Variants in SYNPR observed in about 807,000 individuals in gnomAD.
The protein encoded by SYNPR is synaptoporin.
Under a neutral mutation model 32.9 loss-of-function variants are expected in SYNPR, and 23 were observed. The ratio of observed to expected loss-of-function variants is 0.70; its 90% CI spans 0.50 to 0.99. The LOEUF (loss-of-function observed/expected upper bound fraction) is 0.99. Ranked by LOEUF, SYNPR falls within the 50% of genes least tolerant of loss-of-function variation. The pLI is 0.00. For missense variants in SYNPR, 318 were observed against 349.3 expected (o/e 0.91, Z 0.71); for synonymous variants, 146 against 135.9 (o/e 1.07, Z -0.52).
chr3:63,442,940 C>G, intron 2 of SYNPR: 1 of 708,596 alleles, frequency 1.4e-6, no homozygotes, highest in African/African-American at 1.9e-5. Context: ...ACCATTTTTC[C>G]CCATACCCTT....
intron 2 of SYNPR, among the ~76,000 whole-genome samples, chr3:63,352,590 C>G (rs1427595933): frequency 6.6e-6 from 1 of 152,072 alleles, no homozygotes; most frequent in African/African-American, 2.4e-5. Flanking sequence ...GAACAAGACC[C>G]AAATATACTT....
intron 2 of SYNPR, among the ~76,000 whole-genome samples, chr3:63,459,699 C>G (rs777067033): frequency 7.9e-5 from 12 of 152,044 alleles, no homozygotes; most frequent in Middle Eastern, 3.2e-3. Flanking sequence ...TTTTAAGAAG[C>G]AGAAAAGCTA....
chr3:63,343,582 G>T (rs986607094), intron 2 of SYNPR, among the ~76,000 whole-genome samples: 1 of 152,106 alleles, frequency 6.6e-6, no homozygotes, highest in Non-Finnish European at 1.5e-5. Flanking sequence ...AGCTTCCAAC[G>T]CAGCTACCTC....
intron 3 of SYNPR, among the ~76,000 whole-genome samples, chr3:63,551,267 A>C (rs1288812758): frequency 3.3e-5 from 5 of 152,202 alleles, no homozygotes; most frequent in Non-Finnish European, 5.9e-5. Context: ...TTTTTGACAA[A>C]TAATATTCTT....
At chr3:63,433,185 C>A (rs985502815) in intron 2 of SYNPR, among the ~76,000 whole-genome samples, 2 of 152,148 alleles carry the variant, frequency 1.3e-5, no homozygotes, top group African/African-American at 2.4e-5. Flanking sequence ...GAACAAGTGG[C>A]GCTACAGCCC....
intron 2 of SYNPR, among the ~76,000 whole-genome samples, chr3:63,362,752 G>A (rs2087677443): frequency 6.6e-6 from 1 of 152,138 alleles, no homozygotes. Flanking sequence ...GGCCTTTCAT[G>A]CTGACACTGA....
At chr3:63,291,998 G>A (rs2106931260) in intron 2 of SYNPR, among the ~76,000 whole-genome samples, 1 of 152,244 alleles carries the variant, frequency 6.6e-6, no homozygotes, top group East Asian at 1.9e-4. Flanking sequence ...TAGGCTACAT[G>A]TACAGCCTAT....
intron 4 of SYNPR, among the ~76,000 whole-genome samples, chr3:63,565,482 G>T (rs943737250): frequency 3.9e-5 from 6 of 152,192 alleles, no homozygotes; most frequent in African/African-American, 1.4e-4. Flanking sequence ...GAAGGCAGAA[G>T]AGAAACGGAG....
chr3:63,418,023 A>T (rs1052375059), intron 2 of SYNPR, among the ~76,000 whole-genome samples: 1 of 152,160 alleles, frequency 6.6e-6, no homozygotes, highest in African/African-American at 2.4e-5. Context: ...CTACTCAGAA[A>T]ATGGGATTTT....
chr3:63,299,404 G>A (rs183097209), intron 2 of SYNPR, among the ~76,000 whole-genome samples: 13 of 151,900 alleles, frequency 8.6e-5, no homozygotes, highest in South Asian at 2.1e-4. Context: ...GTTTTGTTTC[G>A]TTTTTTGTTT....
chr3:63,428,660 G>A (rs1159818037), intron 2 of SYNPR, among the ~76,000 whole-genome samples: 1 of 152,226 alleles, frequency 6.6e-6, no homozygotes, highest in African/African-American at 2.4e-5. Flanking sequence ...GTCTAGGCTA[G>A]GACAGACAGC....
At chr3:63,484,964 A>G (rs1482841780) in intron 3 of SYNPR, among the ~76,000 whole-genome samples, 1 of 152,142 alleles carries the variant, frequency 6.6e-6, no homozygotes, top group Non-Finnish European at 1.5e-5. Flanking sequence ...AAGATGACAA[A>G]AGGAAAATAA....
At chr3:63,490,588 C>T (rs1256848354) in intron 3 of SYNPR, among the ~76,000 whole-genome samples, 2 of 151,960 alleles carry the variant, frequency 1.3e-5, no homozygotes, top group Non-Finnish European at 2.9e-5. Context: ...CTTCCATGCC[C>T]CACTTCCAAT....
At chr3:63,210,791 TCCTC>T in the SYNPR span, among the ~76,000 whole-genome samples, 6 of 80,166 alleles carry the variant, frequency 7.5e-5, no homozygotes, top group South Asian at 4.5e-4. Context: ...CTTCCCATTT[TCCTC>T]CCTTCCTTCC....
chr3:63,492,498 T>G (rs1017736549), intron 3 of SYNPR, among the ~76,000 whole-genome samples: 1 of 152,204 alleles, frequency 6.6e-6, no homozygotes, highest in African/African-American at 2.4e-5. Context: ...TAAGACTCTT[T>G]GAACCTCGTA....
chr3:63,489,286 C>T (rs183924974), intron 3 of SYNPR, among the ~76,000 whole-genome samples: 4 of 152,250 alleles, frequency 2.6e-5, no homozygotes, highest in Admixed American at 2.6e-4. Flanking sequence ...AATTATACCC[C>T]CAATCCAATT....
intron 2 of SYNPR, among the ~76,000 whole-genome samples, chr3:63,455,246 A>G (rs1344953730): frequency 2.0e-5 from 3 of 152,086 alleles, no homozygotes; most frequent in Non-Finnish European, 4.4e-5. Flanking sequence ...AGACAAAAAT[A>G]TCATTTCTAA....
At chr3:63,491,385 G>A (rs949837830) in intron 3 of SYNPR, among the ~76,000 whole-genome samples, 1 of 151,988 alleles carries the variant, frequency 6.6e-6, no homozygotes, top group African/African-American at 2.4e-5. Context: ...AGCAAGGGAG[G>A]GAAGACACCC....
chr3:63,605,108 C>T (rs987279092), intron 4 of SYNPR, among the ~76,000 whole-genome samples: 3 of 152,148 alleles, frequency 2.0e-5, no homozygotes, highest in African/African-American at 7.2e-5. Flanking sequence ...ATGGAACTGA[C>T]ATCTTATGGG....
Sources: gnomAD v4.1 joint callset for allele counts (sites outside exome capture counted in the v4.1 genomes callset) on GRCh38, gnomAD v4.1.1 for gene constraint, MANE v1.5 for transcripts, NCBI Gene and HGNC (gene_info 2026-07-23, HGNC 2026-07-21) for gene names.